The following SAMD3 variants were observed in gnomAD, a reference collection of about 807,000 sequenced individuals.
The protein encoded by SAMD3 is sterile alpha motif domain-containing protein 3.
Under a neutral mutation model 58.5 loss-of-function variants are expected in SAMD3, and 63 were observed. The ratio of observed to expected loss-of-function variants is 1.08; its 90% confidence interval spans 0.88 to 1.33. The LOEUF is 1.33. SAMD3 is among the 40% of genes most tolerant of loss of function. SAMD3 has a pLI of 0.00. For synonymous variants in SAMD3, 220 were observed against 210.3 expected (o/e 1.05, Z -0.40); for missense variants, 604 against 608.4 (o/e 0.99, Z 0.08).
At chr6:130,179,526 T>C (rs1792065090) in intron 7 of SAMD3, among the ~76,000 whole-genome samples, 1 of 151,236 alleles carries the variant, frequency 6.6e-6, no homozygotes, top group Admixed American at 6.6e-5. Flanking sequence ...GTGGACCGTC[T>C]TACATGGCAA....
upstream of SAMD3, among the ~76,000 whole-genome samples, chr6:130,225,944 T>C (rs1158732113): frequency 6.6e-6 from 1 of 152,204 alleles, no homozygotes; most frequent in African/African-American, 2.4e-5. Context: ...CCTGGCTCCA[T>C]TGTCTTCTGA....
intron 5 of SAMD3, among the ~76,000 whole-genome samples, chr6:130,205,492 C>T (rs563208816): frequency 5.3e-5 from 8 of 151,980 alleles, no homozygotes; most frequent in East Asian, 2.0e-4. Flanking sequence ...TTAGTAGAGA[C>T]GGGGTTTTAC....
intron 2 of SAMD3, among the ~76,000 whole-genome samples, chr6:130,289,510 G>T (rs626066): frequency 0.38 from 57,318 of 151,320 alleles, 10,983 homozygotes; most frequent in East Asian, 0.51. Context: ...TATATATAGA[G>T]AGAGAGAGAG....
At chr6:130,306,878 G>T (rs1775927384) in intron 2 of SAMD3, among the ~76,000 whole-genome samples, 1 of 152,072 alleles carries the variant, frequency 6.6e-6, no homozygotes, top group Non-Finnish European at 1.5e-5. Flanking sequence ...TCTCATCCTG[G>T]TGTTTTCTTT....
At chr6:130,356,215 A>G (rs990131445) in intron 1 of SAMD3, among the ~76,000 whole-genome samples, 4 of 152,078 alleles carry the variant, frequency 2.6e-5, no homozygotes, top group Non-Finnish European at 5.9e-5. Context: ...ATCCTCTCTC[A>G]TCAATCAGTA....
chr6:130,214,268 A>T, intron 4 of SAMD3, 69 bp downstream of exon 4: 1 of 1,303,612 alleles, frequency 7.7e-7, no homozygotes, highest in Non-Finnish European at 1.0e-6. Flanking sequence ...TTAAACCCAA[A>T]CGTCACGCTC....
At chr6:130,184,781 A>G (rs1011638950) in intron 5 of SAMD3, 158 bp from the exon 6 acceptor site, 6 of 587,730 alleles carry the variant, frequency 1.0e-5, no homozygotes, top group African/African-American at 1.9e-5. Flanking sequence ...CCATCCACAA[A>G]TGTTTGAAGG....
chr6:130,184,583 G>A lies in SAMD3; in HGVS notation c.424C>T (p.Gln142Ter). 1 of 1,612,308 alleles carries A rather than the reference G, an allele frequency of 6.2e-7. No homozygotes were observed. Among genetic ancestry groups the A allele is most frequent in the Non-Finnish European group, 8.5e-7 (1 of 1,179,440 alleles). The change falls in exon 6 of 12, where the codon CAG (glutamine) becomes TAG (stop). Residue 142 changes from glutamine (Q) to a stop codon, truncating the protein, a stop_gained. Transcript: ENST00000439090. LOFTEE classifies it high-confidence loss of function. ...KQILARSKAL[Q>*]WTKSYVLPEF... ...GGTAAAACATAGGACTTCGTCCACT[G>A]TAATGCTTTGCTTCTTGCTAGAATT...
chr6:130,296,750 T>A (rs1330010558), intron 2 of SAMD3, among the ~76,000 whole-genome samples: 2 of 151,980 alleles, frequency 1.3e-5, no homozygotes, highest in Non-Finnish European at 2.9e-5. Context: ...GGGAAGAGGG[T>A]CTGCCCTGAG....
intron 1 of SAMD3, among the ~76,000 whole-genome samples, chr6:130,357,281 C>T (rs192643363): frequency 1.8e-4 from 27 of 152,040 alleles, no homozygotes; most frequent in Admixed American, 6.5e-4. Flanking sequence ...CCCACCACCA[C>T]GCCAGGCTAA....
rs143925054 is a variant in SAMD3, at chr6:130,148,009, C to T, written c.1024-1828G>A. ...TTATTACTTGATTAGAAATGGAATTCACCAGGTTTTTCCACGTAAAATTAA... is the reference window on the plus strand; with the variant it reads ...TTATTACTTGATTAGAAATGGAATTTACCAGGTTTTTCCACGTAAAATTAA... On this transcript the variant is annotated intron_variant, in intron 9 of 11. Coordinates refer to ENST00000439090, the MANE Select transcript of SAMD3 (RefSeq NM_001017373.4). Among the ~76,000 whole-genome samples the T allele has an allele frequency of 3.3e-5, 5 of 152,318 alleles. No homozygotes were observed. In the East Asian group the frequency reaches 9.6e-4, roughly 29 times the overall value.
chr6:130,319,856 CAAAT>C (rs1776523973), intron 1 of SAMD3, among the ~76,000 whole-genome samples: 1 of 151,772 alleles, frequency 6.6e-6, no homozygotes, highest in Admixed American at 6.6e-5. Context: ...AGCAGCAAAA[CAAAT>C]AAACAAAAAA....
intron 2 of SAMD3, among the ~76,000 whole-genome samples, chr6:130,280,235 A>C (rs12212688): frequency 0.32 from 48,310 of 152,066 alleles, 7,908 homozygotes; most frequent in East Asian, 0.47. Context: ...CCAGCCTCCT[A>C]ATCACGAAGT....
chr6:130,199,773 G>T (rs1342112907), intron 5 of SAMD3, among the ~76,000 whole-genome samples: 1 of 152,144 alleles, frequency 6.6e-6, no homozygotes, highest in Non-Finnish European at 1.5e-5. Context: ...ATGCTGTTTT[G>T]TTGCTGCAAC....
At chr6:130,317,938 G>A (rs944592729) in intron 1 of SAMD3, among the ~76,000 whole-genome samples, 3 of 152,154 alleles carry the variant, frequency 2.0e-5, no homozygotes, top group Admixed American at 1.3e-4. Context: ...GACCGGGAAG[G>A]CCAAGGTGGC....
intron 9 of SAMD3, among the ~76,000 whole-genome samples, chr6:130,147,545 CAG>C (rs1554250330): frequency 2.0e-5 from 3 of 152,168 alleles, no homozygotes; most frequent in Non-Finnish European, 4.4e-5. Flanking sequence ...AAATAGTAAA[CAG>C]AACTTACAAG....
At chr6:130,311,439 T>C (rs536459224) in intron 2 of SAMD3, among the ~76,000 whole-genome samples, 9 of 152,248 alleles carry the variant, frequency 5.9e-5, no homozygotes, top group South Asian at 2.1e-4. Context: ...TGTGTGCCCA[T>C]AGAGCAGTAT....
At chr6:130,263,793 A>G (rs1774230694) in intron 2 of SAMD3, among the ~76,000 whole-genome samples, 1 of 152,062 alleles carries the variant, frequency 6.6e-6, no homozygotes, top group African/African-American at 2.4e-5. Flanking sequence ...GGCATTAGTA[A>G]ACTAGGACCA....
At chr6:130,343,699 T>A (rs1056804684) in intron 1 of SAMD3, among the ~76,000 whole-genome samples, 3 of 152,168 alleles carry the variant, frequency 2.0e-5, no homozygotes, top group Non-Finnish European at 4.4e-5. Flanking sequence ...GAGCTCTGGC[T>A]CAGGCCTGTA....
Sources: allele counts gnomAD v4.1 joint callset (sites outside exome capture counted in the v4.1 genomes callset), GRCh38; gene constraint gnomAD v4.1.1; transcripts MANE v1.5; gene names NCBI Gene and HGNC (gene_info 2026-07-23, HGNC 2026-07-21).